The following MCFD2 variants were observed in gnomAD, a reference collection of about 807,000 sequenced individuals.
MCFD2 encodes multiple coagulation factor deficiency protein 2.
A neutral mutation model predicts 12.8 loss-of-function variants in MCFD2; 11 were observed. The ratio of observed to expected loss-of-function variants is 0.86; its 90% confidence interval spans 0.54 to 1.42. The LOEUF (loss-of-function observed/expected upper bound fraction) is 1.42. Ranked by LOEUF, MCFD2 falls within the 40% of genes most tolerant of loss-of-function variation. MCFD2 has a pLI of 0.00. For missense variants in MCFD2, 191 were observed against 178.6 expected, an observed-to-expected ratio of 1.07 and a Z score of -0.40; for synonymous variants, 70 against 68.1, an observed-to-expected ratio of 1.03 and a Z score of -0.14.
upstream of MCFD2, among the ~76,000 whole-genome samples, chr2:46,918,593 G>C (rs1232248403): frequency 2.0e-5 from 3 of 152,210 alleles, no homozygotes; most frequent in Non-Finnish European, 4.4e-5. Context: ...ACTAAAATAT[G>C]GAATTGGCTA....
In MCFD2 at chr2:46,941,411, C is replaced by T. The variant is rs1670359237; in HGVS notation, c.-8+161G>A. 4 of 877,104 alleles carry T rather than the reference C, an allele frequency of 4.6e-6. No individual in the cohort carries two copies. The highest frequency in any genetic ancestry group is 4.4e-4 in the Middle Eastern group (1 of 2,298). The allele number at this position is 877,104 out of a possible 1,614,324, so 54.3% of individuals were successfully genotyped here. A position where few individuals can be genotyped will look rare whatever the true frequency, so the allele number is the denominator to read the frequency against. On this transcript the variant is annotated intron_variant, in intron 1 of 2. Coordinates refer to the MCFD2 transcript ENST00000409147. This position sits in a 1 kb window ranked among gnomAD's most constrained non-coding sequence, Gnocchi z 4.2. ...CCACCCTCCGCCGCCCGGGCCCCCG[C>T]TGCCGCCCGGGCCCCGGCTGCCGTC...
chr2:46,923,736 C>CTTT (rs113000969), intron 1 of MCFD2, among the ~76,000 whole-genome samples: 1 of 145,790 alleles, frequency 6.9e-6, no homozygotes, highest in Admixed American at 6.9e-5. Context: ...TATAGAAAAA[C>CTTT]TTTTTTTTTT....
In MCFD2 at chr2:46,923,235, CCATTAGT is replaced by C. The variant is rs563873643; in HGVS notation, c.-7-15273_-7-15267del. Among the ~76,000 whole-genome samples, 256 of 152,340 alleles carry C rather than the reference CCATTAGT, an allele frequency of 1.7e-3. 2 individuals are homozygous for C. The highest frequency in any genetic ancestry group is 2.5e-3 in the Non-Finnish European group (168 of 68,026). On this transcript the variant is annotated intron_variant, in intron 1 of 2. Transcript: ENST00000409147. ...TATTACATAGGCACAGTTGACCAAA[CCATTAGT>C]CATTGGTGATCAACTTAACCTTCAG...
At position 46,907,596 on chromosome 2, in the gene MCFD2, C is replaced by A. The variant is rs111884218; in HGVS notation, c.309+214G>T. The A allele has an allele frequency of 1.5e-5, 9 of 594,062 alleles. 1 individual carries two copies. The highest frequency in any genetic ancestry group is 1.3e-4 in the African/African-American group (7 of 54,014). The allele number at this position is 594,062 out of a possible 1,614,324, so 36.8% of individuals were successfully genotyped here. On this transcript the variant is annotated intron_variant, in intron 3 of 3. Coordinates refer to ENST00000319466, the MANE Select transcript of MCFD2 (RefSeq NM_139279.6). This position sits in a 1 kb window ranked among gnomAD's most constrained non-coding sequence, Gnocchi z 4.1. ...TTTGTTTTGTAGAGACAGGGTCTCA[C>A]TATATTGCCAAGGCTGGTCTTGAAC... is the stretch of plus-strand genomic sequence containing the variant.
intron 1 of MCFD2, among the ~76,000 whole-genome samples, chr2:46,925,688 C>A (rs1172167999): frequency 6.6e-6 from 1 of 152,066 alleles, no homozygotes; most frequent in Non-Finnish European, 1.5e-5. Context: ...GCCACCTCCC[C>A]CAAAAAAACC....
Position 46,905,175 on chromosome 2 carries a change from AGTCTCGGGTAC to A in MCFD2, c.*277_*287del. 1 of 398,522 alleles carries A rather than the reference AGTCTCGGGTAC, an allele frequency of 2.5e-6. No individual in the cohort carries two copies. Among genetic ancestry groups the A allele is most frequent in the Non-Finnish European group, 4.7e-6 (1 of 213,720 alleles). 24.7% of individuals were successfully genotyped at this position (398,522 alleles called of 1,614,324 possible). A position where few individuals can be genotyped will look rare whatever the true frequency, so the allele number is the denominator to read the frequency against. ...TCCAAGTAAACCTCTTTTTCTTCCC[AGTCTCGGGTAC>A]GTCTTTATCAGCAGCATTAATACAG... is the stretch of plus-strand genomic sequence containing the variant. On this transcript the variant is annotated 3_prime_UTR_variant, in exon 4 of 4. Transcript: ENST00000319466.
chr2:46,906,988 A>G (rs1271537257), intron 3 of MCFD2: 1 of 152,414 alleles, frequency 6.6e-6, no homozygotes, highest in Non-Finnish European at 1.5e-5. Context: ...ACAGGCATGC[A>G]CCACTGAAAA....
At chr2:46,926,659 A>G (rs573233006) in intron 1 of MCFD2, among the ~76,000 whole-genome samples, 128 of 152,372 alleles carry the variant, frequency 8.4e-4, no homozygotes, top group African/African-American at 2.6e-3. Flanking sequence ...GTCCTTTCAG[A>G]AGAATATAAA....
chr2:46,926,596 G>C (rs2103822635), intron 1 of MCFD2, among the ~76,000 whole-genome samples: 1 of 152,284 alleles, frequency 6.6e-6, no homozygotes, highest in African/African-American at 2.4e-5. Flanking sequence ...TTTTGAATAA[G>C]GTGATTTCAG....
At chr2:46,938,908 G>T (rs1440737377) in intron 1 of MCFD2, among the ~76,000 whole-genome samples, 1 of 151,946 alleles carries the variant, frequency 6.6e-6, no homozygotes, top group Non-Finnish European at 1.5e-5. Flanking sequence ...CTACTCGGGA[G>T]GCTAAGGCAG....
At chr2:46,928,420 C>G (rs1669512988) in intron 1 of MCFD2, among the ~76,000 whole-genome samples, 2 of 136,264 alleles carry the variant, frequency 1.5e-5, no homozygotes, top group Non-Finnish European at 3.1e-5. Flanking sequence ...ATGTGAGGCT[C>G]AAAGCCCTCT....
chr2:46,931,210 C>A (rs1374224780), intron 1 of MCFD2, among the ~76,000 whole-genome samples: 1 of 152,156 alleles, frequency 6.6e-6, no homozygotes, highest in African/African-American at 2.4e-5. Flanking sequence ...TCAGCTGTAG[C>A]TGGGATTATA....
chr2:46,919,991 G>C (rs1669015999), upstream of MCFD2, among the ~76,000 whole-genome samples: 2 of 152,116 alleles, frequency 1.3e-5, no homozygotes, highest in Admixed American at 1.3e-4. Flanking sequence ...TAAAAGCTTG[G>C]AATTTTGGCA....
intron 1 of MCFD2, among the ~76,000 whole-genome samples, chr2:46,914,635 A>G (rs1235814079): frequency 6.6e-6 from 1 of 152,246 alleles, no homozygotes; most frequent in Non-Finnish European, 1.5e-5. Context: ...AGATAGTACT[A>G]TGACCTCGAC....
At chr2:46,919,354 T>A (rs975142048), upstream of MCFD2, among the ~76,000 whole-genome samples, 1 of 152,080 alleles carries the variant, frequency 6.6e-6, no homozygotes. Flanking sequence ...GCCAGCATGG[T>A]GAAACCCTGT....
rs1668085882 is a variant in MCFD2, at chr2:46,903,303, T to A, written c.*2160A>T. On this transcript the variant is annotated 3_prime_UTR_variant, in exon 4 of 4. Transcript: ENST00000319466. ...TTAAGTCCAATTAAACCACTTTTTC[T>A]TCCCAGTCTCGGGTATGTCTTTATC... 6.4e-6 allele frequency: 1 copy of A among 156,140 alleles called. No individual in the cohort carries two copies. Among genetic ancestry groups the A allele is most frequent in the South Asian group, 2.0e-4 (1 of 4,948 alleles). The allele number at this position is 156,140 out of a possible 1,614,324, so 9.7% of individuals were successfully genotyped here.
chr2:46,916,132 G>C (rs994705361), upstream of MCFD2: 4 of 985,418 alleles, frequency 4.1e-6, no homozygotes, highest in African/African-American at 7.0e-5. Context: ...GGACCCCAAA[G>C]CTGGCTCCCA....
intron 1 of MCFD2, among the ~76,000 whole-genome samples, chr2:46,914,528 A>G (rs1668619332): frequency 1.3e-5 from 2 of 152,228 alleles, no homozygotes; most frequent in Admixed American, 1.3e-4. Flanking sequence ...GGCATTTAAT[A>G]TTAATAACTT....
rs1206293224 is a variant in MCFD2 at position 46,908,248 on chromosome 2, AAT to A, written c.150-281_150-280del. The A allele has an allele frequency of 4.1e-6, 2 of 489,126 alleles. No individual in the cohort carries two copies. The highest frequency in any genetic ancestry group is 3.9e-5 in the African/African-American group (2 of 50,850). The allele number at this position is 489,126 out of a possible 1,614,324, so 30.3% of individuals were successfully genotyped here. A position where few individuals can be genotyped will look rare whatever the true frequency, so the allele number is the denominator to read the frequency against. Reference sequence around the variant, plus strand: ...AACATTTTCAGGCCATCAATTTAAAAATATGTCCTTTAAAACTTTTTTTTTTT... The same window carrying A: ...AACATTTTCAGGCCATCAATTTAAAAATGTCCTTTAAAACTTTTTTTTTTT... On this transcript the variant is annotated intron_variant, in intron 2 of 3. Transcript: ENST00000319466. This position sits in a 1 kb window ranked among gnomAD's most constrained non-coding sequence, Gnocchi z 4.5.
Sources: allele counts gnomAD v4.1 joint callset (sites outside exome capture counted in the v4.1 genomes callset), GRCh38; gene constraint gnomAD v4.1.1; non-coding constraint Gnocchi (gnomAD v3.1); transcripts MANE v1.5; gene names NCBI Gene and HGNC (gene_info 2026-07-23, HGNC 2026-07-21).